Variants in IMPG2 observed in about 807,000 individuals in gnomAD.
IMPG2 encodes the protein interphotoreceptor matrix proteoglycan 2.
IMPG2 carries 91 observed loss-of-function variants against 129.2 expected under a neutral mutation model. That is an observed-to-expected ratio of 0.70 (90% CI 0.59 to 0.84). IMPG2 has a LOEUF of 0.84. Among genes scored for constraint, IMPG2 ranks in the 40% least tolerant of loss-of-function variants. The pLI, the probability that IMPG2 is intolerant of heterozygous loss-of-function variation, is 0.00. For missense variants in IMPG2, 1,430 were observed against 1,461.7 expected, an observed-to-expected ratio of 0.98 and a Z score of 0.35; for synonymous variants, 510 against 517.7, an observed-to-expected ratio of 0.99 and a Z score of 0.20.
chr3:101,252,193 G>A (rs989805369), intron 11 of IMPG2, among the ~76,000 whole-genome samples: 1 of 152,078 alleles, frequency 6.6e-6, no homozygotes, highest in Admixed American at 6.6e-5. Flanking sequence ...TCTTCCTGGT[G>A]TTCAAAAGAA....
intron 16 of IMPG2, among the ~76,000 whole-genome samples, chr3:101,230,539 G>C (rs1190151565): frequency 6.6e-6 from 1 of 152,084 alleles, no homozygotes; most frequent in African/African-American, 2.4e-5. Flanking sequence ...CATGAAATAG[G>C]CATTCTGGTC....
intron 10 of IMPG2, among the ~76,000 whole-genome samples, chr3:101,255,154 G>C (rs1706585029): frequency 6.6e-6 from 1 of 152,048 alleles, no homozygotes; most frequent in Non-Finnish European, 1.5e-5. Flanking sequence ...GTGTGAGAAT[G>C]GACTAATACA....
chr3:101,258,847 C>G lies in IMPG2; in HGVS notation c.909-1074G>C, dbSNP rs577655751. Among the ~76,000 whole-genome samples the G allele has an allele frequency of 6.6e-5, 10 of 152,230 alleles. No individual in the cohort carries two copies. In the South Asian group the frequency reaches 1.4e-3, roughly 22 times the overall value. ...ATTCCTCTAGACTCCAACTCAGATT[C>G]CTCTAACTAAAAGCTAACAGTTTGT... On this transcript the variant is annotated intron_variant, in intron 9 of 18. Transcript: ENST00000193391.
chr3:101,274,759 G>T (rs1559650969), intron 6 of IMPG2, among the ~76,000 whole-genome samples: 1 of 152,090 alleles, frequency 6.6e-6, no homozygotes, highest in Non-Finnish European at 1.5e-5. Flanking sequence ...TAGCTATTCT[G>T]CCTCAAGTTC....
intron 18 of IMPG2, chr3:101,227,762 T>C (rs564036151): frequency 1.1e-5 from 5 of 455,432 alleles, no homozygotes; most frequent in South Asian, 6.2e-5. Flanking sequence ...TTTAGAGTTA[T>C]CTCTACCATG....
rs191490089 is a variant in IMPG2, at chr3:101,300,478, A to G, written c.501+3668T>C. On this transcript the variant is annotated intron_variant, in intron 3 of 18. Transcript: ENST00000193391. ...GCAGATTCTAGCTTAGTGGCTGTTG[A>G]AAATCTGCTTGGTTCTGTGGTTGGG... Among the ~76,000 whole-genome samples the G allele has an allele frequency of 1.2e-3, 186 of 152,292 alleles. No homozygotes were observed. In the Middle Eastern group the frequency reaches 0.014, roughly 11 times the overall value.
In IMPG2 at chr3:101,229,320, G is replaced by GGGGCC; in HGVS notation, c.3633+59_3633+60insGGCCC. ...TACACACCCCCACCCACCACCCCCT[G>GGGGCC]CTCCCCCACACACACACCAGCAGTA... On this transcript the variant is annotated intron_variant, in intron 17 of 18. Coordinates refer to ENST00000193391, the MANE Select transcript of IMPG2 (RefSeq NM_016247.4). The GGGGCC allele has an allele frequency of 9.6e-6, 5 of 519,316 alleles. No homozygotes were observed. The East Asian group carries it at 1.5e-4, about 16-fold the overall frequency. The allele number at this position is 519,316 out of a possible 1,614,324, so 32.2% of individuals were successfully genotyped here. A position where few individuals can be genotyped will look rare whatever the true frequency, so the allele number is the denominator to read the frequency against.
intron 11 of IMPG2, among the ~76,000 whole-genome samples, chr3:101,247,526 G>A (rs1706495700): frequency 2.0e-5 from 3 of 152,270 alleles, no homozygotes; most frequent in South Asian, 4.1e-4. Context: ...GAACCCGGGC[G>A]GCGGAGGCTG....
chr3:101,277,716 G>T (rs946750207), intron 4 of IMPG2, among the ~76,000 whole-genome samples: 1 of 152,134 alleles, frequency 6.6e-6, no homozygotes, highest in Admixed American at 6.6e-5. Context: ...GAGATCAGAA[G>T]ATAATCTAAG....
chr3:101,250,376 AT>A (rs753129093), intron 11 of IMPG2, among the ~76,000 whole-genome samples: 54 of 152,188 alleles, frequency 3.5e-4, no homozygotes, highest in Non-Finnish European at 7.1e-4. Context: ...CATGTGCTTT[AT>A]GAGGCCATCC....
At chr3:101,231,746 T>C (rs1484843804) in intron 15 of IMPG2, among the ~76,000 whole-genome samples, 1 of 152,368 alleles carries the variant, frequency 6.6e-6, no homozygotes, top group South Asian at 2.1e-4. Context: ...CCTTGCAGAC[T>C]GTCCTCTACT....
At position 101,235,192 on chromosome 3, in the gene IMPG2, C is replaced by G. The variant is rs568396948; in HGVS notation, c.3023-2201G>C. On this transcript the variant is annotated intron_variant, in intron 14 of 18. Transcript: ENST00000193391. ...GTGGTTGTTCGGCATCACCATCATG[C>G]TGTGCATGGAAAAACTGTATCACTC... Among the ~76,000 whole-genome samples, 10 of 152,322 alleles carry G rather than the reference C, an allele frequency of 6.6e-5. No individual in the cohort carries two copies. In the South Asian group the frequency reaches 2.1e-3, roughly 32 times the overall value.
chr3:101,282,566 C>A (rs898302877), intron 4 of IMPG2, among the ~76,000 whole-genome samples: 2 of 152,160 alleles, frequency 1.3e-5, no homozygotes, highest in Admixed American at 1.3e-4. Context: ...TACATACAGT[C>A]AGTTCTGCTA....
intron 3 of IMPG2, among the ~76,000 whole-genome samples, chr3:101,296,844 C>T (rs1707084253): frequency 6.6e-6 from 1 of 152,128 alleles, no homozygotes. Context: ...TCCGTGTCTT[C>T]TAGATTTTCT....
intron 1 of IMPG2, 107 bp downstream of exon 1, chr3:101,320,178 AAGT>A (rs10540543): frequency 0.77 from 572,722 of 741,458 alleles, 223,828 homozygotes; most frequent in East Asian, 0.86. Context: ...AAGATTAATA[AAGT>A]AGTATTTGAT....
intron 15 of IMPG2, among the ~76,000 whole-genome samples, chr3:101,232,328 C>T (rs932545362): frequency 3.3e-5 from 5 of 151,944 alleles, no homozygotes; most frequent in African/African-American, 1.2e-4. Context: ...ACCTCTGCCT[C>T]CCGGGTTCAA....
rs547053324 is a variant in IMPG2 at position 101,305,923 on chromosome 3, G to A, written c.335-1611C>T. On this transcript the variant is annotated intron_variant, in intron 2 of 18. Transcript: ENST00000193391. ...GATACATCAGGATGGAAGGGAAAAGGAAGAGAGTGGTAAGAGAGAAAGTTA... is the reference window on the plus strand; with the variant it reads ...GATACATCAGGATGGAAGGGAAAAGAAAGAGAGTGGTAAGAGAGAAAGTTA... Among the ~76,000 whole-genome samples the A allele has an allele frequency of 3.9e-5, 6 of 152,282 alleles. No individual in the cohort carries two copies. The South Asian group carries it at 1.2e-3, about 32-fold the overall frequency.
chr3:101,269,228 A>G (rs1478756842), intron 8 of IMPG2, among the ~76,000 whole-genome samples: 1 of 151,996 alleles, frequency 6.6e-6, no homozygotes, highest in East Asian at 1.9e-4. Context: ...AGTGCCAAAT[A>G]AGACCTACGT....
At chr3:101,296,110 G>T (rs524261) in intron 3 of IMPG2, among the ~76,000 whole-genome samples, 137,839 of 152,230 alleles carry the variant, frequency 0.91, 62,530 homozygotes, top group East Asian at 1. Context: ...TGAATAGGAA[G>T]AGTGAAAGAA....
Sources: allele counts gnomAD v4.1 joint callset (sites outside exome capture counted in the v4.1 genomes callset), GRCh38; gene constraint gnomAD v4.1.1; transcripts MANE v1.5; gene names NCBI Gene and HGNC (gene_info 2026-07-23, HGNC 2026-07-21).